Variants in FOXN3 observed in about 807,000 individuals in gnomAD.
FOXN3 encodes forkhead box N3, also known as forkhead box protein N3.
In FOXN3, 7 loss-of-function variants were observed where a neutral mutation model predicts 38.4. That is an observed-to-expected ratio of 0.18 (90% CI 0.10 to 0.34). The LOEUF (loss-of-function observed/expected upper bound fraction) is 0.34. Ranked by LOEUF, FOXN3 falls within the 10% of genes least tolerant of loss-of-function variation. The probability of loss-of-function intolerance (pLI) is 1.00; values close to 1 mark genes in which losing one functional copy is unlikely to be tolerated. For missense variants in FOXN3, 456 were observed against 613.4 expected (o/e 0.74, Z 2.71); for synonymous variants, 230 against 242.2 (o/e 0.95, Z 0.47).
chr14:89,416,793 A>T (rs71415423), intron 1 of FOXN3, 78 bp downstream of exon 1: 47,396 of 151,174 alleles, frequency 0.31, 7,532 homozygotes, highest in South Asian at 0.41. Context: ...AGTCTCCAGG[A>T]CCGTCTCGGA....
intron 1 of FOXN3, among the ~76,000 whole-genome samples, chr14:89,543,586 C>T (rs1013359934): frequency 2.0e-5 from 3 of 152,210 alleles, no homozygotes; most frequent in African/African-American, 7.2e-5. Context: ...ATCTATTCCT[C>T]CGGCAAGGTT....
At chr14:89,602,394 GGTAT>G (rs1448920491) in intron 1 of FOXN3, among the ~76,000 whole-genome samples, 3 of 151,994 alleles carry the variant, frequency 2.0e-5, no homozygotes, top group African/African-American at 7.2e-5. Context: ...TATGTCAGCA[GGTAT>G]CTCCCTAGAA....
chr14:89,491,078 G>A (rs372768846), intron 1 of FOXN3, among the ~76,000 whole-genome samples: 38 of 151,954 alleles, frequency 2.5e-4, no homozygotes, highest in African/African-American at 7.7e-4. Flanking sequence ...GGGTTCAAGC[G>A]ATTCTCCTGC....
intron 4 of FOXN3, among the ~76,000 whole-genome samples, chr14:89,253,435 G>C (rs1195767498): frequency 1.3e-5 from 2 of 152,060 alleles, no homozygotes; most frequent in African/African-American, 4.8e-5. Context: ...CATCCTGTTT[G>C]CCCTGATGCT....
intron 1 of FOXN3, among the ~76,000 whole-genome samples, chr14:89,447,111 G>A (rs1356132860): frequency 2.0e-5 from 3 of 151,474 alleles, no homozygotes; most frequent in African/African-American, 4.9e-5. Flanking sequence ...CAGAAGAATC[G>A]CTTGATCCCG....
At chr14:89,346,273 A>C (rs1225113929) in intron 3 of FOXN3, among the ~76,000 whole-genome samples, 1 of 152,126 alleles carries the variant, frequency 6.6e-6, no homozygotes, top group African/African-American at 2.4e-5. Flanking sequence ...CTATTAACTA[A>C]ACTGCACAGT....
chr14:89,525,720 C>A (rs922441302), intron 1 of FOXN3, among the ~76,000 whole-genome samples: 2 of 150,886 alleles, frequency 1.3e-5, no homozygotes, highest in African/African-American at 4.9e-5. Flanking sequence ...ACTAATTCTA[C>A]ACAAATGCTT....
intron 4 of FOXN3, among the ~76,000 whole-genome samples, chr14:89,237,252 C>T (rs970985967): frequency 1.3e-5 from 2 of 152,144 alleles, no homozygotes; most frequent in African/African-American, 4.8e-5. Context: ...ACATTATTAT[C>T]CATTTGGGAA....
At chr14:89,286,688 T>C (rs1280414926) in intron 3 of FOXN3, among the ~76,000 whole-genome samples, 3 of 152,122 alleles carry the variant, frequency 2.0e-5, no homozygotes, top group Non-Finnish European at 4.4e-5. Context: ...CAGGAAATAA[T>C]AGAAAACCAA....
chr14:89,287,344 C>G (rs1445294073), intron 3 of FOXN3, among the ~76,000 whole-genome samples: 1 of 151,912 alleles, frequency 6.6e-6, no homozygotes, highest in East Asian at 1.9e-4. Context: ...AGTAGAGACA[C>G]AGTTTCGCCA....
chr14:89,615,854 T>C (rs186981394), intron 1 of FOXN3, among the ~76,000 whole-genome samples: 1 of 152,306 alleles, frequency 6.6e-6, no homozygotes, highest in East Asian at 1.9e-4. Context: ...TATTAAACAT[T>C]AAAATAGAGT....
At chr14:89,198,448 C>T (rs919126274) in intron 4 of FOXN3, among the ~76,000 whole-genome samples, 16 of 152,076 alleles carry the variant, frequency 1.1e-4, no homozygotes, top group Non-Finnish European at 2.4e-4. Context: ...CTTTTAGGGC[C>T]AAAGGGATAA....
Position 89,539,122 on chromosome 14 carries a change from G to A in FOXN3, c.-15+79906C>T, listed in dbSNP as rs377065257. Among the ~76,000 whole-genome samples the A allele has an allele frequency of 1.1e-4, 17 of 152,282 alleles. No homozygotes were observed. The East Asian group carries it at 1.5e-3, about 14-fold the overall frequency. On this transcript the variant is annotated intron_variant, in intron 1 of 6. Transcript: ENST00000345097. ...CTCCCAAAGTGCTGGGATTACAGGC[G>A]TGAGCCACGTGCCTGGCCACTTTTC... is the stretch of plus-strand genomic sequence containing the variant.
chr14:89,555,725 TC>T (rs1895102410), intron 1 of FOXN3, among the ~76,000 whole-genome samples: 1 of 152,162 alleles, frequency 6.6e-6, no homozygotes, highest in South Asian at 2.1e-4. Context: ...AAATATTATT[TC>T]TTTTTCATAG....
At chr14:89,547,233 T>C (rs930343122) in intron 1 of FOXN3, among the ~76,000 whole-genome samples, 2 of 99,964 alleles carry the variant, frequency 2.0e-5, no homozygotes, top group Admixed American at 1.7e-4. Flanking sequence ...GGTTATTTAT[T>C]TATTTATTTA....
At chr14:89,259,026 C>T (rs1335474334) in intron 4 of FOXN3, among the ~76,000 whole-genome samples, 1 of 152,218 alleles carries the variant, frequency 6.6e-6, no homozygotes, top group East Asian at 1.9e-4. Flanking sequence ...TAGCAGACAG[C>T]ATCAAGCCTG....
chr14:89,224,254 C>A (rs537833229), intron 4 of FOXN3, among the ~76,000 whole-genome samples: 3 of 152,256 alleles, frequency 2.0e-5, no homozygotes, highest in South Asian at 4.2e-4. Context: ...ATTTCCTTTA[C>A]AAATGCAGCT....
At chr14:89,340,102 A>AG (rs571793531) in intron 3 of FOXN3, among the ~76,000 whole-genome samples, 1 of 151,492 alleles carries the variant, frequency 6.6e-6, no homozygotes, top group Non-Finnish European at 1.5e-5. Flanking sequence ...AGAAGAAGGA[A>AG]GGGGGGTGCA....
chr14:89,465,106 T>C (rs780814900), intron 1 of FOXN3, among the ~76,000 whole-genome samples: 8 of 152,206 alleles, frequency 5.3e-5, no homozygotes, highest in Admixed American at 2.0e-4. Flanking sequence ...AAGAAGGATG[T>C]GTTTGCTTCC....
Sources: gnomAD v4.1 joint callset for allele counts (sites outside exome capture counted in the v4.1 genomes callset) on GRCh38, gnomAD v4.1.1 for gene constraint, MANE v1.5 for transcripts, NCBI Gene and HGNC (gene_info 2026-07-23, HGNC 2026-07-21) for gene names.